The following CPNE4 variants were observed in gnomAD, a reference collection of about 807,000 sequenced individuals.
The protein encoded by CPNE4 is copine-4.
CPNE4 carries 25 observed loss-of-function variants against 67.9 expected under a neutral mutation model. That is an observed-to-expected ratio of 0.37 (90% CI 0.27 to 0.51). The LOEUF is 0.51. CPNE4 is among the 20% of genes least tolerant of loss of function. CPNE4 has a pLI of 0.93. For synonymous variants in CPNE4, 242 were observed against 244.9 expected, an observed-to-expected ratio of 0.99 and a Z score of 0.11; for missense variants, 464 against 690.8, an observed-to-expected ratio of 0.67 and a Z score of 3.68.
chr3:131,642,336 G>A (rs1009342734), intron 7 of CPNE4, among the ~76,000 whole-genome samples: 9 of 152,056 alleles, frequency 5.9e-5, no homozygotes, highest in Admixed American at 5.2e-4. Flanking sequence ...ATACCTGCCT[G>A]CCTCTGGCAG....
chr3:131,598,166 A>G (rs1939000642), intron 7 of CPNE4, among the ~76,000 whole-genome samples: 1 of 152,232 alleles, frequency 6.6e-6, no homozygotes, highest in Non-Finnish European at 1.5e-5. Context: ...GCTGGACAGC[A>G]GGAGACCTGA....
chr3:131,679,394 A>G (rs572749298), intron 6 of CPNE4, among the ~76,000 whole-genome samples: 1 of 151,934 alleles, frequency 6.6e-6, no homozygotes, highest in Non-Finnish European at 1.5e-5. Flanking sequence ...GGATTCATCA[A>G]TCTTTTGAAT....
intron 2 of CPNE4, among the ~76,000 whole-genome samples, chr3:131,822,572 A>C (rs772640534): frequency 6.6e-6 from 1 of 152,202 alleles, no homozygotes; most frequent in Non-Finnish European, 1.5e-5. Context: ...TGCTTTGGAA[A>C]GTTGTCTAGC....
chr3:131,955,543 CT>C (rs1427251854), intron 1 of CPNE4, among the ~76,000 whole-genome samples: 1 of 148,858 alleles, frequency 6.7e-6, no homozygotes, highest in Non-Finnish European at 1.5e-5. Context: ...CAAAACAGGG[CT>C]TGGGAAATGG....
chr3:131,801,338 TATATATATATATGTACC>T (rs199821674), intron 2 of CPNE4, among the ~76,000 whole-genome samples: 10,922 of 120,784 alleles, frequency 0.09, 690 homozygotes, highest in East Asian at 0.18. Context: ...AAACCATACA[TATATATATATATGTACC>T]ATATATATAT....
At chr3:131,630,879 C>T (rs1334827972) in intron 7 of CPNE4, among the ~76,000 whole-genome samples, 1 of 152,146 alleles carries the variant, frequency 6.6e-6, no homozygotes, top group Non-Finnish European at 1.5e-5. Context: ...TTTGGGGGCT[C>T]AGCAGATAGG....
intron 6 of CPNE4, among the ~76,000 whole-genome samples, chr3:131,684,858 ATG>A (rs1318686848): frequency 2.0e-5 from 3 of 152,154 alleles, no homozygotes; most frequent in African/African-American, 7.2e-5. Context: ...TAGTTGTTGA[ATG>A]TGTGTGTGGT....
At chr3:131,969,328 C>A (rs1310106713) in intron 1 of CPNE4, among the ~76,000 whole-genome samples, 5 of 151,672 alleles carry the variant, frequency 3.3e-5, no homozygotes, top group Non-Finnish European at 7.4e-5. Flanking sequence ...ACCTATGTAA[C>A]AAACCTGCAT....
chr3:132,002,619 T>C (rs1383341610), intron 1 of CPNE4, among the ~76,000 whole-genome samples: 2 of 152,166 alleles, frequency 1.3e-5, no homozygotes, highest in Non-Finnish European at 2.9e-5. Context: ...GCAGGATTTA[T>C]GTGAGGAGGC....
At chr3:131,817,455 ATAG>A (rs1246728230) in intron 2 of CPNE4, among the ~76,000 whole-genome samples, 12 of 152,328 alleles carry the variant, frequency 7.9e-5, no homozygotes, top group African/African-American at 2.9e-4. Flanking sequence ...TGAGGGGTGA[ATAG>A]TAGGACAGGA....
intron 1 of CPNE4, among the ~76,000 whole-genome samples, chr3:132,018,096 C>T (rs945090093): frequency 3.7e-4 from 57 of 152,192 alleles, no homozygotes; most frequent in African/African-American, 1.2e-3. Context: ...CTACCCAAGA[C>T]GTCTCCATTT....
intron 8 of CPNE4, among the ~76,000 whole-genome samples, chr3:131,584,864 T>C (rs1276383368): frequency 6.6e-6 from 1 of 152,222 alleles, no homozygotes; most frequent in African/African-American, 2.4e-5. Context: ...ATGTAGCTAG[T>C]GGCTAATGTA....
chr3:131,954,200 A>G (rs1405420323), intron 1 of CPNE4, among the ~76,000 whole-genome samples: 1 of 152,162 alleles, frequency 6.6e-6, no homozygotes, highest in Non-Finnish European at 1.5e-5. Flanking sequence ...ATAAAGATAC[A>G]TAGAGAATGG....
chr3:131,973,879 G>A (rs367745677), intron 1 of CPNE4, among the ~76,000 whole-genome samples: 1 of 152,178 alleles, frequency 6.6e-6, no homozygotes, highest in Non-Finnish European at 1.5e-5. Context: ...TTTGCCAAGC[G>A]TAACGTTATT....
intron 1 of CPNE4, among the ~76,000 whole-genome samples, chr3:131,994,799 C>T (rs2073248768): frequency 6.6e-6 from 1 of 152,202 alleles, no homozygotes; most frequent in African/African-American, 2.4e-5. Flanking sequence ...TATAATGAGA[C>T]TGTCACTTGT....
intron 1 of CPNE4, among the ~76,000 whole-genome samples, chr3:131,971,086 TAA>T (rs985550339): frequency 5.3e-5 from 8 of 152,200 alleles, no homozygotes; most frequent in Non-Finnish European, 8.8e-5. Flanking sequence ...TAGAAAGATC[TAA>T]AGAGTCCAAG....
Position 131,601,916 on chromosome 3 carries a change from A to C in CPNE4, c.682-14334T>G, listed in dbSNP as rs146867943. On this transcript the variant is annotated intron_variant, in intron 7 of 15. Transcript: ENST00000429747. ...GCACAGATTTGGGTCCCAGTGTACC[A>C]GCTGTGAGACGTTGGGCAGATCATT... Among the ~76,000 whole-genome samples, 502 of 152,296 alleles carry C rather than the reference A, an allele frequency of 3.3e-3. 2 individuals carry two copies. Among genetic ancestry groups the C allele is most frequent in the African/African-American group, 0.011 (465 of 41,562 alleles).
At chr3:131,747,249 T>C (rs2082514593) in intron 2 of CPNE4, among the ~76,000 whole-genome samples, 1 of 152,048 alleles carries the variant, frequency 6.6e-6, no homozygotes, top group Non-Finnish European at 1.5e-5. Context: ...TTCTGTTGAT[T>C]GATTATTTTG....
chr3:131,577,763 G>A (rs74647158), intron 9 of CPNE4, among the ~76,000 whole-genome samples: 5,511 of 152,024 alleles, frequency 0.036, 299 homozygotes, highest in African/African-American at 0.12. Context: ...CACTGAATTT[G>A]TTTAAAAAAT....
Sources: allele counts gnomAD v4.1 joint callset (sites outside exome capture counted in the v4.1 genomes callset), GRCh38; gene constraint gnomAD v4.1.1; transcripts MANE v1.5; gene names NCBI Gene and HGNC (gene_info 2026-07-23, HGNC 2026-07-21).